Variants in DACH1 observed in about 807,000 individuals in gnomAD.
The protein encoded by DACH1 is dachshund homolog 1.
Under a neutral mutation model 54.2 loss-of-function variants are expected in DACH1, and 12 were observed. That is an observed-to-expected ratio of 0.22 (90% confidence interval 0.14 to 0.36). DACH1 has a LOEUF of 0.36. DACH1 is among the 10% of genes least tolerant of loss of function. The pLI is 1.00. For synonymous variants in DACH1, 386 were observed against 366.2 expected, an observed-to-expected ratio of 1.05 and a Z score of -0.62; for missense variants, 805 against 929.8, an observed-to-expected ratio of 0.87 and a Z score of 1.75.
At chr13:71,724,503 C>A (rs2192997) in intron 1 of DACH1, among the ~76,000 whole-genome samples, 39,388 of 152,094 alleles carry the variant, frequency 0.26, 12,665 homozygotes, top group African/African-American at 0.76. Context: ...CAACATTTGC[C>A]TAAAACCTGC....
intron 1 of DACH1, among the ~76,000 whole-genome samples, chr13:71,794,987 C>T (rs1886984043): frequency 6.6e-6 from 1 of 151,370 alleles, no homozygotes; most frequent in African/African-American, 2.4e-5. Flanking sequence ...CAAACCATAG[C>T]CAAAGAATGG....
intron 1 of DACH1, among the ~76,000 whole-genome samples, chr13:71,707,660 C>T (rs921383725): frequency 6.6e-6 from 1 of 152,192 alleles, no homozygotes; most frequent in African/African-American, 2.4e-5. Flanking sequence ...ATCAGATTTC[C>T]AAGGGCCTTA....
At chr13:71,606,504 A>C (rs1361224552) in intron 3 of DACH1, among the ~76,000 whole-genome samples, 1 of 152,208 alleles carries the variant, frequency 6.6e-6, no homozygotes. Context: ...TCTTCCTGAT[A>C]GTTTGAATAC....
At chr13:71,513,951 T>C (rs1880972547) in intron 6 of DACH1, among the ~76,000 whole-genome samples, 5 of 152,080 alleles carry the variant, frequency 3.3e-5, no homozygotes, top group Admixed American at 3.3e-4. Context: ...TACCTTGTAT[T>C]AATATTTTAT....
At chr13:71,684,477 T>C (rs574353276) in intron 1 of DACH1, among the ~76,000 whole-genome samples, 2 of 152,268 alleles carry the variant, frequency 1.3e-5, no homozygotes, top group African/African-American at 4.8e-5. Context: ...CCTATTACAC[T>C]GTCTTTAAAG....
At position 71,866,413 on chromosome 13, in the gene DACH1, G is replaced by T; in HGVS notation, c.357C>A (p.Gly119=). ...AAASNGSGGG[G]GGISAGGGVA... is the part of the protein sequence containing the mutation. ...CGCCGCCGCCAGCGCTGATGCCGCC[G>T]CCGCCGCCGCCGCTGCCGTTGCTCG... The change falls in exon 1 of 11, where the codon GGC becomes GGA. Residue 119 remains glycine, a synonymous_variant. Transcript: ENST00000613252. 7.0e-7 allele frequency: 1 copy of T among 1,426,724 alleles called. No individual in the cohort carries two copies. The highest frequency in any genetic ancestry group is 9.2e-7 in the Non-Finnish European group (1 of 1,083,958). The allele number at this position is 1,426,724 out of a possible 1,614,324, so 88.4% of individuals were successfully genotyped here. A position where few individuals can be genotyped will look rare whatever the true frequency, so the allele number is the denominator to read the frequency against.
chr13:71,809,744 A>G (rs1442402721), intron 1 of DACH1, among the ~76,000 whole-genome samples: 2 of 152,192 alleles, frequency 1.3e-5, no homozygotes, highest in African/African-American at 4.8e-5. Flanking sequence ...CAATACCAGA[A>G]CTACTGGGCC....
chr13:71,475,257 A>G (rs765634295), intron 9 of DACH1, 48 bp from the exon 10 acceptor site: 32 of 1,457,300 alleles, frequency 2.2e-5, no homozygotes, highest in Non-Finnish European at 3.1e-5. Context: ...TTTGATTCCT[A>G]TTGTCCTTTA....
intron 1 of DACH1, among the ~76,000 whole-genome samples, chr13:71,729,007 C>CT (rs1415560043): frequency 6.6e-6 from 1 of 151,750 alleles, no homozygotes; most frequent in Non-Finnish European, 1.5e-5. Context: ...GAAAACTTTA[C>CT]TTTTTTTTAT....
intron 10 of DACH1, among the ~76,000 whole-genome samples, chr13:71,464,201 T>C (rs1281202963): frequency 6.6e-6 from 1 of 151,956 alleles, no homozygotes; most frequent in African/African-American, 2.4e-5. Flanking sequence ...GCCCAGTATT[T>C]CAGCCATAAA....
intron 10 of DACH1, among the ~76,000 whole-genome samples, chr13:71,467,539 T>A (rs1243493960): frequency 6.6e-6 from 1 of 151,284 alleles, no homozygotes; most frequent in African/African-American, 2.4e-5. Flanking sequence ...AAAATATTTA[T>A]GCTGAAATAA....
At chr13:71,670,188 T>C (rs1213485850) in intron 2 of DACH1, among the ~76,000 whole-genome samples, 1 of 152,192 alleles carries the variant, frequency 6.6e-6, no homozygotes, top group East Asian at 1.9e-4. Context: ...TCCCATTAAT[T>C]ATACTGACTA....
chr13:71,447,200 T>G (rs1352934753), intron 10 of DACH1, among the ~76,000 whole-genome samples: 1 of 152,166 alleles, frequency 6.6e-6, no homozygotes, highest in Non-Finnish European at 1.5e-5. Flanking sequence ...GAAAATAAAT[T>G]GAAGAAAAAC....
intron 1 of DACH1, among the ~76,000 whole-genome samples, chr13:71,853,121 A>G (rs924543123): frequency 6.6e-6 from 1 of 152,204 alleles, no homozygotes; most frequent in African/African-American, 2.4e-5. Flanking sequence ...TGAAAAATTA[A>G]TTAATTTCTG....
At chr13:71,579,587 C>T (rs1477408382) in intron 3 of DACH1, among the ~76,000 whole-genome samples, 3 of 152,002 alleles carry the variant, frequency 2.0e-5, no homozygotes, top group Non-Finnish European at 1.5e-5. Flanking sequence ...CATTAGGAAG[C>T]TGAAAATAGA....
chr13:71,760,429 G>A (rs755010507), intron 1 of DACH1, among the ~76,000 whole-genome samples: 13 of 152,234 alleles, frequency 8.5e-5, no homozygotes, highest in African/African-American at 2.9e-4. Flanking sequence ...TTCTCACTGC[G>A]CTCTGTATTC....
intron 1 of DACH1, among the ~76,000 whole-genome samples, chr13:71,760,690 A>G (rs189811891): frequency 4.5e-4 from 68 of 152,330 alleles, no homozygotes; most frequent in Admixed American, 1.4e-3. Context: ...AGGGTGTTGT[A>G]GTGGTGAGGA....
chr13:71,615,628 C>T (rs563729802), intron 3 of DACH1, among the ~76,000 whole-genome samples: 1 of 152,234 alleles, frequency 6.6e-6, no homozygotes, highest in East Asian at 1.9e-4. Flanking sequence ...GAGCTTGACA[C>T]AGGCTCAGAG....
chr13:71,528,735 C>T (rs1223025233), intron 6 of DACH1, among the ~76,000 whole-genome samples: 2 of 152,048 alleles, frequency 1.3e-5, no homozygotes, highest in Non-Finnish European at 2.9e-5. Context: ...TCCACCTAGA[C>T]AAGTCATTTA....
Sources: gnomAD v4.1 joint callset for allele counts (sites outside exome capture counted in the v4.1 genomes callset) on GRCh38, gnomAD v4.1.1 for gene constraint, MANE v1.5 for transcripts, NCBI Gene and HGNC (gene_info 2026-07-23, HGNC 2026-07-21) for gene names.